CDC20: variants seen among roughly 807,000 people sequenced by gnomAD.
The protein encoded by CDC20 is cell division cycle protein 20 homolog.
A neutral mutation model predicts 60.0 loss-of-function variants in CDC20; 34 were observed. That is an observed-to-expected ratio of 0.57 (90% confidence interval 0.43 to 0.75). The LOEUF (loss-of-function observed/expected upper bound fraction) is 0.75. CDC20 is among the 30% of genes least tolerant of loss of function. The pLI, the probability that CDC20 is intolerant of heterozygous loss-of-function variation, is 0.00. For missense variants in CDC20, 469 were observed against 647.3 expected (o/e 0.72, Z 2.99); for synonymous variants, 198 against 243.5 (o/e 0.81, Z 1.74).
intron 8 of CDC20, 72 bp downstream of exon 8, chr1:43,361,033 T>G: frequency 6.3e-7 from 1 of 1,598,328 alleles, no homozygotes; most frequent in South Asian, 1.1e-5. Context: ...GGAGAAGGGA[T>G]GGTAGGATTG....
intron 4 of CDC20, 64 bp downstream of exon 4, chr1:43,359,885 A>T: frequency 1.2e-6 from 2 of 1,609,658 alleles, no homozygotes; most frequent in Non-Finnish European, 1.7e-6. Context: ...CTGAGCACAG[A>T]TATCTGTCTC....
rs1230917271 is a variant in CDC20, at chr1:43,360,376, G to A, written c.740G>A (p.Ser247Asn). ...EGNYLAVGTS[S>N]AEVQLWDVQQ... Reference sequence around the variant, plus strand: ...AACTACTTGGCTGTGGGCACCAGCAGTGCTGAGGTGCAGGTGAGACGTGTC... The same window carrying A: ...AACTACTTGGCTGTGGGCACCAGCAATGCTGAGGTGCAGGTGAGACGTGTC... The change falls in exon 6 of 11, where the codon AGT becomes AAT. Residue 247 changes from serine (S) to asparagine (N), a missense_variant. Physicochemically the swap from Ser to Asn is conservative, Grantham distance 46. Transcript: ENST00000310955. 6.2e-7 allele frequency: 1 copy of A among 1,614,158 alleles called. No individual in the cohort carries two copies. Among genetic ancestry groups the A allele is most frequent in the South Asian group, 1.1e-5 (1 of 91,082 alleles).
chr1:43,359,243 C>G lies in CDC20; in HGVS notation c.28C>G (p.Leu10Val). 6.2e-7 allele frequency: 1 copy of G among 1,611,700 alleles called. No homozygotes were observed. Among genetic ancestry groups the G allele is most frequent in the Non-Finnish European group, 8.5e-7 (1 of 1,179,928 alleles). ...GGCACAGTTCGCGTTCGAGAGTGAC[C>G]TGCACTCGCTGCTTCAGCTGGATGC... MAQFAFESD[L>V]HSLLQLDAPI... Residue 10 changes from leucine to valine, a missense_variant, in exon 2 of 11, where the codon CTG (leucine) becomes GTG (valine). This residue lies in a region of CDC20 where 115 missense variants were observed against 156.1 expected (regional missense o/e 0.74). Transcript: ENST00000310955.
chr1:43,359,375 A>G lies in CDC20; in HGVS notation c.160A>G (p.Arg54Gly), dbSNP rs1229530921. Residue 54 changes from arginine to glycine, a missense_variant, in exon 2 of 11, where the codon AGG becomes GGG. Coordinates refer to ENST00000310955, the MANE Select transcript of CDC20 (RefSeq NM_001255.3). ...CGCCAACCGATCCCACAGCGCCGGC[A>G]GGACTCCGGGCCGAACTCCTGGTCA... is the stretch of plus-strand genomic sequence containing the variant. ...RAANRSHSAGRTPGRTPGKSS... is the reference protein window; with the variant it reads ...RAANRSHSAGGTPGRTPGKSS... The G allele has an allele frequency of 3.1e-6, 5 of 1,612,838 alleles. No individual in the cohort carries two copies. The highest frequency in any genetic ancestry group is 1.3e-5 in the African/African-American group (1 of 74,928).
rs1202836335 is a variant in CDC20, at chr1:43,360,609, TG to T, written c.848+18del. On this transcript the variant is annotated intron_variant, in intron 7 of 10. Coordinates refer to ENST00000310955, the MANE Select transcript of CDC20 (RefSeq NM_001255.3). ...TCCTGTCCAGGTCAGTGGTTTTTGTTGGTCTATGGTAGTCTGATATTTGCCC... is the reference window on the plus strand; with the variant it reads ...TCCTGTCCAGGTCAGTGGTTTTTGTTGTCTATGGTAGTCTGATATTTGCCC... The T allele has an allele frequency of 1.4e-5, 22 of 1,607,022 alleles. No homozygotes were observed. The highest frequency in any genetic ancestry group is 1.5e-5 in the Non-Finnish European group (18 of 1,173,472).
intron 10 of CDC20, among the ~76,000 whole-genome samples, chr1:43,362,576 G>T (rs1647177471): frequency 6.6e-6 from 1 of 152,146 alleles, no homozygotes; most frequent in Non-Finnish European, 1.5e-5. Flanking sequence ...TGAAAAAAAA[G>T]GGAGGAGGCC....
rs772507044 is a variant in CDC20, at chr1:43,363,002, T to C, written c.1373T>C (p.Val458Ala). Residue 458 changes from valine (V) to alanine (A), a missense_variant, in exon 11 of 11, where the codon GTG becomes GCG. Val to Ala is a moderately conservative substitution (Grantham distance 64). Transcript: ENST00000310955. The stretch of plus-strand genomic sequence containing the variant: ...ACCATGAGCCCAGATGGGGCCACAG[T>C]GGCATCCGCAGCAGCAGATGAGACC... ...SLTMSPDGAT[V>A]ASAAADETLR... 1.2e-6 allele frequency: 2 copies of C among 1,611,110 alleles called. No individual in the cohort carries two copies. Among genetic ancestry groups the C allele is most frequent in the African/African-American group, 2.7e-5 (2 of 74,680 alleles).
rs1230968925 is a variant in CDC20, at chr1:43,360,353, C to T, written c.717C>T (p.Asn239=). 1.2e-6 allele frequency: 2 copies of T among 1,614,126 alleles called. No homozygotes were observed. Among genetic ancestry groups the T allele is most frequent in the East Asian group, 4.5e-5 (2 of 44,904 alleles). The change falls in exon 6 of 11, where the codon AAC becomes AAT. Residue 239 remains asparagine (N), a synonymous_variant. Coordinates refer to ENST00000310955, the MANE Select transcript of CDC20 (RefSeq NM_001255.3). ...CTGTGGCCTGGATCAAAGAGGGCAA[C>T]TACTTGGCTGTGGGCACCAGCAGTG... ...ISSVAWIKEG[N]YLAVGTSSAE...
At position 43,360,714 on chromosome 1, in the gene CDC20, C is replaced by G; in HGVS notation, c.849-19C>G. The G allele has an allele frequency of 1.2e-6, 2 of 1,605,470 alleles. No individual in the cohort carries two copies. The highest frequency in any genetic ancestry group is 2.2e-5 in the South Asian group (2 of 90,796). Reference sequence around the variant, plus strand: ...TTTGGTGCTGCCACAGAACCTGATTCCCTTCTTTCCTCCTCCAGTGGTTCA... The same window carrying G: ...TTTGGTGCTGCCACAGAACCTGATTGCCTTCTTTCCTCCTCCAGTGGTTCA... On this transcript the variant is annotated intron_variant, in intron 7 of 10. Transcript: ENST00000310955.
chr1:43,359,955 C>T lies in CDC20; in HGVS notation c.428-14C>T, dbSNP rs573794053. ...TTGATTTTCCCAGCGTCTAGACTCA[C>T]TCCGTTGCCACAGGTTATCAGAACA... On this transcript the variant is annotated splice_polypyrimidine_tract_variant and intron_variant, in intron 4 of 10. Coordinates refer to ENST00000310955, the MANE Select transcript of CDC20 (RefSeq NM_001255.3). 1.7e-5 allele frequency: 27 copies of T among 1,614,026 alleles called. No homozygotes were observed. Among genetic ancestry groups the T allele is most frequent in the Non-Finnish European group, 2.3e-5 (27 of 1,180,020 alleles).
chr1:43,359,468 G>A, intron 2 of CDC20, 22 bp from the exon 3 acceptor site: 1 of 1,613,956 alleles, frequency 6.2e-7, no homozygotes, highest in Non-Finnish European at 8.5e-7. Flanking sequence ...TGGTCAGACT[G>A]TCTTCTCTTT....
At chr1:43,361,961 A>C (rs1647174532) in intron 9 of CDC20, among the ~76,000 whole-genome samples, 1 of 152,202 alleles carries the variant, frequency 6.6e-6, no homozygotes, top group African/African-American at 2.4e-5. Context: ...TCATCTATCC[A>C]ATGGATAATA....
chr1:43,361,162 G>A lies in CDC20; in HGVS notation c.1120G>A (p.Gly374Arg). Reference sequence around the variant, plus strand: ...CTGGCAGTCCAATGTCCTGGCAACAGGAGGGGGCACCAGTGATCGACACAT... The same window carrying A: ...CTGGCAGTCCAATGTCCTGGCAACAAGAGGGGGCACCAGTGATCGACACAT... The part of the protein sequence containing the change: ...CPWQSNVLAT[G>R]GGTSDRHIRI... Residue 374 changes from glycine to arginine, a missense_variant, in exon 9 of 11, where the codon GGA becomes AGA. This residue lies in a region of CDC20 where 255 missense variants were observed against 326.7 expected (regional missense o/e 0.78). Transcript: ENST00000310955. 1 of 1,614,084 alleles carries A rather than the reference G, an allele frequency of 6.2e-7. No individual in the cohort carries two copies. Among genetic ancestry groups the A allele is most frequent in the Non-Finnish European group, 8.5e-7 (1 of 1,179,982 alleles).
In CDC20 at chr1:43,359,497, C is replaced by A. The variant is rs140767028; in HGVS notation, c.189C>A (p.Ser63=). 405 of 1,614,000 alleles carry A rather than the reference C, an allele frequency of 2.5e-4. No homozygotes were observed. The highest frequency in any genetic ancestry group is 3.1e-4 in the Non-Finnish European group (365 of 1,180,030). Residue 63 remains serine, a synonymous_variant, in exon 3 of 11, where the codon TCC becomes TCA. Transcript: ENST00000310955. ...GRTPGRTPGK[S]SSKVQTTPSK... ...TCTCTTTCTCCGCCCCAGGCAAATC[C>A]AGTTCCAAGGTTCAGACCACTCCTA...
rs144561572 is a variant in CDC20 at position 43,359,813 on chromosome 1, C to T, written c.419C>T (p.Ala140Val). The T allele has an allele frequency of 2.5e-5, 40 of 1,613,806 alleles. No individual in the cohort carries two copies. In the African/African-American group the frequency reaches 4.4e-4, roughly 18 times the overall value. The change falls in exon 4 of 11, where the codon GCG becomes GTG. Residue 140 changes from alanine (A) to valine (V), a missense_variant. Transcript: ENST00000310955. Reference protein sequence around the residue: ...ILRLSGKPQNAPEGYQNRLKV... With the variant: ...ILRLSGKPQNVPEGYQNRLKV... ...CGGCTCAGTGGAAAACCACAAAATG[C>T]GCCAGAGGGTAAGACCCGAAGTTCC...
In CDC20 at chr1:43,360,554, G is replaced by A. The variant is rs1039194610; in HGVS notation, c.809G>A (p.Arg270Gln). 13 of 1,614,046 alleles carry A rather than the reference G, an allele frequency of 8.1e-6. No homozygotes were observed. The highest frequency in any genetic ancestry group is 2.2e-5 in the South Asian group (2 of 91,090). ...CGAAATATGACCAGTCACTCTGCCC[G>A]AGTGGGCTCCCTAAGCTGGAACAGC... Reference protein sequence around the residue: ...RLRNMTSHSARVGSLSWNSYI... With the variant: ...RLRNMTSHSAQVGSLSWNSYI... Residue 270 changes from arginine to glutamine, a missense_variant, in exon 7 of 11, where the codon CGA becomes CAA. Coordinates refer to ENST00000310955, the MANE Select transcript of CDC20 (RefSeq NM_001255.3).
rs754596301 is a variant in CDC20 at position 43,359,617 on chromosome 1, C to G, written c.309C>G (p.Asn103Lys). 1.1e-5 allele frequency: 17 copies of G among 1,613,744 alleles called. No individual in the cohort carries two copies. Among genetic ancestry groups the G allele is most frequent in the Non-Finnish European group, 1.4e-5 (17 of 1,180,014 alleles). Residue 103 changes from asparagine (N) to lysine (K), a missense_variant, in exon 3 of 11, where the codon AAC becomes AAG. Coordinates refer to ENST00000310955, the MANE Select transcript of CDC20 (RefSeq NM_001255.3). ...TGAGCAAGGAGAACCAGCCTGAAAACAGCCAGACGCCCACCAAGAAGGTAT... is the reference window on the plus strand; with the variant it reads ...TGAGCAAGGAGAACCAGCCTGAAAAGAGCCAGACGCCCACCAAGAAGGTAT... ...FLLSKENQPE[N>K]SQTPTKKEHQ...
At chr1:43,359,871 A>C (rs776797707) in intron 4 of CDC20, 50 bp downstream of exon 4, 2 of 1,608,790 alleles carry the variant, frequency 1.2e-6, no homozygotes, top group Non-Finnish European at 1.7e-6. Context: ...GTTCATCTCC[A>C]GGGCTGAGCA....
chr1:43,358,982 G>A lies in CDC20; in HGVS notation c.-74G>A. 3.4e-6 allele frequency: 2 copies of A among 594,492 alleles called. No homozygotes were observed. The highest frequency in any genetic ancestry group is 2.0e-5 in the South Asian group (1 of 50,320). 36.8% of individuals were successfully genotyped at this position (594,492 alleles called of 1,614,324 possible). ...GGCGTAAGCCAGGCGTGTTAAAGCC[G>A]GTCGGAACTGCTCCGGAGGGCACGG... On this transcript the variant is annotated 5_prime_UTR_variant, in exon 1 of 11. Coordinates refer to ENST00000310955, the MANE Select transcript of CDC20 (RefSeq NM_001255.3).
Sources: gnomAD v4.1 joint callset for allele counts (sites outside exome capture counted in the v4.1 genomes callset) on GRCh38, gnomAD v4.1.1 for gene constraint, gnomAD v4.1.1 regional missense constraint, MANE v1.5 for transcripts, NCBI Gene and HGNC (gene_info 2026-07-23, HGNC 2026-07-21) for gene names.